The following ACSS3 variants were observed in gnomAD, a reference collection of about 807,000 sequenced individuals.
ACSS3 encodes acyl-CoA synthetase short-chain family member 3, mitochondrial.
ACSS3 carries 64 observed loss-of-function variants against 84.2 expected under a neutral mutation model. The ratio of observed to expected loss-of-function variants is 0.76; its 90% CI spans 0.62 to 0.94. The LOEUF is 0.94. ACSS3 is among the 40% of genes least tolerant of loss of function. The pLI, the probability that ACSS3 is intolerant of heterozygous loss-of-function variation, is 0.00. For missense variants in ACSS3, 815 were observed against 867.6 expected, an observed-to-expected ratio of 0.94 and a Z score of 0.76; for synonymous variants, 317 against 310.1, an observed-to-expected ratio of 1.02 and a Z score of -0.23.
At chr12:81,154,420 T>C (rs1439521466) in intron 7 of ACSS3, among the ~76,000 whole-genome samples, 1 of 151,806 alleles carries the variant, frequency 6.6e-6, no homozygotes, top group Admixed American at 6.6e-5. Context: ...GCTCTATAAA[T>C]ATTTGTTGTG....
chr12:81,166,542 A>G (rs1434154970), intron 7 of ACSS3, among the ~76,000 whole-genome samples: 1 of 152,226 alleles, frequency 6.6e-6, no homozygotes, highest in African/African-American at 2.4e-5. Flanking sequence ...AGTCAACAGG[A>G]GAATCCGAAA....
rs545366581 is a variant in ACSS3, at chr12:81,191,063, T to C, written c.1251-8278T>C. 7.2e-5 allele frequency among the ~76,000 whole-genome samples: 11 copies of C among 152,186 alleles called. No individual in the cohort carries two copies. The South Asian group carries it at 1.0e-3, about 14-fold the overall frequency. On this transcript the variant is annotated intron_variant, in intron 8 of 15. Coordinates refer to ENST00000548058, the MANE Select transcript of ACSS3 (RefSeq NM_024560.4). Reference sequence around the variant, plus strand: ...AGCAATTTTAGATCACAGCAAAATCTTGTGGAAAGTTCAGAGCTTCTATAT... The same window carrying C: ...AGCAATTTTAGATCACAGCAAAATCCTGTGGAAAGTTCAGAGCTTCTATAT...
At chr12:81,123,553 T>C (rs1192875542) in intron 2 of ACSS3, among the ~76,000 whole-genome samples, 1 of 152,128 alleles carries the variant, frequency 6.6e-6, no homozygotes, top group Non-Finnish European at 1.5e-5. Context: ...TTGCGTGTTG[T>C]TGAGGTTTGT....
At chr12:81,094,184 CTGTGTGTGTGTGTG>C (rs34746505) in intron 1 of ACSS3, among the ~76,000 whole-genome samples, 3 of 146,668 alleles carry the variant, frequency 2.0e-5, no homozygotes, top group Admixed American at 1.4e-4. Flanking sequence ...GTCTCTCTCT[CTGTGTGTGTGTGTG>C]TGTGTGTGTG....
rs2031608389 is a variant in ACSS3, at chr12:81,192,256, C to T, written c.1251-7085C>T. On this transcript the variant is annotated intron_variant, in intron 8 of 15. Transcript: ENST00000548058. ...ATTAGCCAGACATGGTGGCGGGTGC[C>T]TGTAATCCCAGCTACTTGGGAGGCT... is the stretch of plus-strand genomic sequence containing the variant. Among the ~76,000 whole-genome samples, 4 of 152,102 alleles carry T rather than the reference C, an allele frequency of 2.6e-5. No homozygotes were observed. In the South Asian group the frequency reaches 8.3e-4, roughly 31 times the overall value.
rs575881860 is a variant in ACSS3 at position 81,259,609 on chromosome 12, G to A, written c.*4687G>A. The stretch of plus-strand genomic sequence containing the variant: ...GTTTTCACAAAGGTTTTCACTGCTC[G>A]TCTTCTTAGATGGTAGTGCACTTTA... On this transcript the variant is annotated 3_prime_UTR_variant, in exon 16 of 16. Transcript: ENST00000548058. The A allele has an allele frequency of 6.9e-5, 106 of 1,528,340 alleles. No individual in the cohort carries two copies. The highest frequency in any genetic ancestry group is 8.0e-5 in the Non-Finnish European group (91 of 1,140,322). The allele number at this position is 1,528,340 out of a possible 1,614,324, so 94.7% of individuals were successfully genotyped here. A position where few individuals can be genotyped will look rare whatever the true frequency, so the allele number is the denominator to read the frequency against.
intron 11 of ACSS3, among the ~76,000 whole-genome samples, chr12:81,221,465 A>G (rs1193277673): frequency 1.3e-5 from 2 of 152,136 alleles, no homozygotes; most frequent in East Asian, 3.9e-4. Context: ...AACAGTAGTT[A>G]AAAAGAGGAT....
intron 7 of ACSS3, among the ~76,000 whole-genome samples, chr12:81,153,334 G>C (rs1479664443): frequency 6.6e-6 from 1 of 151,752 alleles, no homozygotes; most frequent in Non-Finnish European, 1.5e-5. Flanking sequence ...CTTGAACCTG[G>C]GAGGTAGAGG....
chr12:81,152,067 CT>C lies in ACSS3; in HGVS notation c.1071del (p.His358MetfsTer30), dbSNP rs772504342. The C allele has an allele frequency of 6.2e-7, 1 of 1,613,086 alleles. No homozygotes were observed. Among genetic ancestry groups the C allele is most frequent in the Non-Finnish European group, 8.5e-7 (1 of 1,179,622 alleles). ...TTCCTATATCTGCTATGGACCTCTT[CT>C]TCATGGGAACACAACAGTTTTATAT... ...GHSYICYGPL[L>X]HGNTTVLYEG... is the part of the protein sequence containing the mutation. On this transcript the variant is annotated frameshift_variant, in exon 7 of 16. Transcript: ENST00000548058. LOFTEE classifies it high-confidence loss of function.
intron 11 of ACSS3, among the ~76,000 whole-genome samples, chr12:81,226,878 G>A (rs1388211893): frequency 6.6e-6 from 1 of 151,448 alleles, no homozygotes; most frequent in Non-Finnish European, 1.5e-5. Flanking sequence ...TACATCTTTT[G>A]TTTTTAAAAC....
intron 8 of ACSS3, among the ~76,000 whole-genome samples, chr12:81,183,219 G>A (rs2031051464): frequency 6.6e-6 from 1 of 152,140 alleles, no homozygotes; most frequent in African/African-American, 2.4e-5. Flanking sequence ...TGTGATTTTG[G>A]TTTCTTTCTA....
chr12:81,120,382 AC>A (rs997383138), intron 2 of ACSS3, among the ~76,000 whole-genome samples: 3 of 152,212 alleles, frequency 2.0e-5, no homozygotes, highest in Non-Finnish European at 4.4e-5. Context: ...GAACACTTGT[AC>A]CTGTTATACA....
chr12:81,250,382 CT>C (rs2034113349), intron 13 of ACSS3, among the ~76,000 whole-genome samples: 1 of 151,906 alleles, frequency 6.6e-6, no homozygotes, highest in Non-Finnish European at 1.5e-5. Context: ...GATTTTGCGT[CT>C]CATAATTTTT....
intron 13 of ACSS3, among the ~76,000 whole-genome samples, chr12:81,235,873 G>T (rs1265009449): frequency 6.6e-6 from 1 of 151,394 alleles, no homozygotes; most frequent in Non-Finnish European, 1.5e-5. Context: ...ATTTTTGGTA[G>T]ACTTGTTGAG....
intron 1 of ACSS3, among the ~76,000 whole-genome samples, chr12:81,090,378 A>G (rs1276284182): frequency 1.3e-5 from 2 of 151,996 alleles, no homozygotes; most frequent in Non-Finnish European, 2.9e-5. Flanking sequence ...ACTTCTACCA[A>G]TAATTTGACA....
chr12:81,214,311 C>A (rs2032817859), intron 9 of ACSS3, among the ~76,000 whole-genome samples: 1 of 152,086 alleles, frequency 6.6e-6, no homozygotes, highest in Non-Finnish European at 1.5e-5. Flanking sequence ...CAGGCATGAG[C>A]CACTACGCCC....
intron 1 of ACSS3, among the ~76,000 whole-genome samples, chr12:81,081,868 C>G (rs1027458928): frequency 1.3e-5 from 2 of 152,126 alleles, no homozygotes; most frequent in African/African-American, 4.8e-5. Context: ...CTGTGGGTTT[C>G]TCAACATGCA....
At position 81,206,783 on chromosome 12, in the gene ACSS3, AC is replaced by A. The variant is rs1301512219; in HGVS notation, c.1354+7341del. ...ATGAATTTGGTTTGTGGAAAGAATA[AC>A]CTTTTGTCAAATGTAAGGCATGCTT... On this transcript the variant is annotated intron_variant, in intron 9 of 15. Coordinates refer to ENST00000548058, the MANE Select transcript of ACSS3 (RefSeq NM_024560.4). 2.6e-5 allele frequency among the ~76,000 whole-genome samples: 4 copies of A among 152,244 alleles called. No homozygotes were observed. In the East Asian group the frequency reaches 7.7e-4, roughly 29 times the overall value.
chr12:81,152,522 G>A (rs1052249661), intron 7 of ACSS3, among the ~76,000 whole-genome samples: 1 of 152,060 alleles, frequency 6.6e-6, no homozygotes, highest in Admixed American at 6.6e-5. Context: ...ATAAAGCTCT[G>A]TGTATAAGAC....
Sources: gnomAD v4.1 joint callset for allele counts (sites outside exome capture counted in the v4.1 genomes callset) on GRCh38, gnomAD v4.1.1 for gene constraint, MANE v1.5 for transcripts, NCBI Gene and HGNC (gene_info 2026-07-23, HGNC 2026-07-21) for gene names.